The following MS4A3 variants were observed in gnomAD, a reference collection of about 807,000 sequenced individuals.
MS4A3 encodes membrane-spanning 4-domains subfamily A member 3.
MS4A3 carries 18 observed loss-of-function variants against 24.7 expected under a neutral mutation model. That is an observed-to-expected ratio of 0.73 (90% CI 0.50 to 1.08). The LOEUF (loss-of-function observed/expected upper bound fraction) is 1.08, where lower values mean the gene tolerates loss of function less well. Among genes scored for constraint, MS4A3 ranks in the 50% least tolerant of loss-of-function variants. The probability of loss-of-function intolerance (pLI) is 0.00; values close to 1 mark genes in which losing one functional copy is unlikely to be tolerated. For synonymous variants in MS4A3, 84 were observed against 95.3 expected (o/e 0.88, Z 0.69); for missense variants, 282 against 251.7 (o/e 1.12, Z -0.82).
chr11:60,065,214 CTT>C (rs143084907), intron 4 of MS4A3, among the ~76,000 whole-genome samples: 33,483 of 127,474 alleles, frequency 0.26, 3,226 homozygotes, highest in East Asian at 0.5. Flanking sequence ...TAATTTTTGT[CTT>C]TTTTTTTTTT....
At chr11:60,069,477 C>T (rs183673756) in intron 5 of MS4A3, 97 bp from the exon 6 acceptor site, 44 of 749,312 alleles carry the variant, frequency 5.9e-5, no homozygotes, top group Middle Eastern at 2.4e-4. Context: ...TTCCACTTTA[C>T]GGGAGGGAGA....
intron 4 of MS4A3, 32 bp downstream of exon 4, chr11:60,064,350 G>C: frequency 1.3e-6 from 2 of 1,505,638 alleles, no homozygotes; most frequent in African/African-American, 1.4e-5. Context: ...TCTATGATCA[G>C]AGGAGTAGAA....
rs114527019 is a variant in MS4A3 at position 60,058,184 on chromosome 11, A to G, written c.-16+1444A>G. On this transcript the variant is annotated intron_variant, in intron 1 of 6. Transcript: ENST00000278865. ...AGAGTTGGCCAGGACTAAAAACAGC[A>G]TCCTGGAAGTATGACATGTGGGCTG... Among the ~76,000 whole-genome samples the G allele has an allele frequency of 4.7e-3, 718 of 152,216 alleles. 8 individuals carry two copies. Among genetic ancestry groups the G allele is most frequent in the African/African-American group, 0.016 (678 of 41,542 alleles).
chr11:60,061,544 C>G (rs1164129826), intron 2 of MS4A3: 1 of 607,388 alleles, frequency 1.6e-6, no homozygotes, highest in African/African-American at 1.8e-5. Context: ...TCTACTTCCA[C>G]TTAATGAATA....
chr11:60,059,025 C>G (rs1342481870), intron 1 of MS4A3, among the ~76,000 whole-genome samples: 1 of 152,096 alleles, frequency 6.6e-6, no homozygotes, highest in Admixed American at 6.5e-5. Flanking sequence ...TAAATACATA[C>G]AGAATGTAAT....
At chr11:60,064,397 A>G in intron 4 of MS4A3, 79 bp downstream of exon 4, 1 of 1,079,366 alleles carries the variant, frequency 9.3e-7, no homozygotes, top group South Asian at 1.5e-5. Context: ...GTAAGTGTCC[A>G]TGAATACAAC....
At chr11:60,063,012 G>A (rs1855302481) in intron 3 of MS4A3, among the ~76,000 whole-genome samples, 1 of 151,996 alleles carries the variant, frequency 6.6e-6, no homozygotes, top group African/African-American at 2.4e-5. Context: ...TTTCCAGGAT[G>A]GTCTCGAACT....
chr11:60,061,079 C>T, intron 1 of MS4A3, 67 bp from the exon 2 acceptor site: 2 of 1,444,328 alleles, frequency 1.4e-6, no homozygotes, highest in Non-Finnish European at 1.9e-6. Flanking sequence ...TTCTGTAACA[C>T]TCAAAATTTT....
chr11:60,067,057 G>T lies in MS4A3; in HGVS notation c.458G>T (p.Cys153Phe), dbSNP rs1414357302. 6.2e-7 allele frequency: 1 copy of T among 1,613,356 alleles called. No individual in the cohort carries two copies. Among genetic ancestry groups the T allele is most frequent in the East Asian group, 2.2e-5 (1 of 44,870 alleles). Residue 153 changes from cysteine (C) to phenylalanine (F), a missense_variant, in exon 5 of 7, where the codon TGT (cysteine) becomes TTT (phenylalanine). Coordinates refer to ENST00000278865, the MANE Select transcript of MS4A3 (RefSeq NM_006138.5). Reference sequence around the variant, plus strand: ...GTTAATATCCAGTCATTAAGGAGTTGTCACTCTTCATCAGAGTCACCGGAC... The same window carrying T: ...GTTAATATCCAGTCATTAAGGAGTTTTCACTCTTCATCAGAGTCACCGGAC... ...IAVNIQSLRS[C>F]HSSSESPDLC...
At position 60,067,061 on chromosome 11, in the gene MS4A3, C is replaced by G. The variant is rs757416586; in HGVS notation, c.462C>G (p.His154Gln). The G allele has an allele frequency of 6.2e-7, 1 of 1,613,344 alleles. No individual in the cohort carries two copies. Among genetic ancestry groups the G allele is most frequent in the Non-Finnish European group, 8.5e-7 (1 of 1,179,800 alleles). ...ATATCCAGTCATTAAGGAGTTGTCA[C>G]TCTTCATCAGAGTCACCGGACCTAT... is the stretch of plus-strand genomic sequence containing the variant. ...AVNIQSLRSC[H>Q]SSSESPDLCN... is the part of the protein sequence containing the mutation. Residue 154 changes from histidine to glutamine, a missense_variant, in exon 5 of 7, where the codon CAC becomes CAG. By Grantham distance (24) the His-to-Gln change is conservative (BLOSUM62 0). Coordinates refer to ENST00000278865, the MANE Select transcript of MS4A3 (RefSeq NM_006138.5).
Position 60,062,621 on chromosome 11 carries a change from C to A in MS4A3, c.294+16C>A, listed in dbSNP as rs774083038. ...TGCTGTGTTTGTGAGTATTCGTACT[C>A]CCCTGGCTATATGTTATTTCTTAGA... is the stretch of plus-strand genomic sequence containing the variant. On this transcript the variant is annotated intron_variant, in intron 3 of 6. Transcript: ENST00000278865. 1 of 1,613,592 alleles carries A rather than the reference C, an allele frequency of 6.2e-7. No individual in the cohort carries two copies. Among genetic ancestry groups the A allele is most frequent in the East Asian group, 2.2e-5 (1 of 44,870 alleles).
chr11:60,069,648 C>CA lies in MS4A3; in HGVS notation c.590dup (p.Asn197LysfsTer6), dbSNP rs1855443485. On this transcript the variant is annotated frameshift_variant, in exon 6 of 7. Coordinates refer to ENST00000278865, the MANE Select transcript of MS4A3 (RefSeq NM_006138.5). LOFTEE classifies it low-confidence loss of function (END_TRUNC). Reference sequence around the variant, plus strand: ...CCATCTCTACCATAGCCATGTGGTGCAATGCAAACTGCTGTAATTCAAGAG... The same window carrying CA: ...CCATCTCTACCATAGCCATGTGGTGCAAATGCAAACTGCTGTAATTCAAGAG... 2 of 1,612,636 alleles carry CA rather than the reference C, an allele frequency of 1.2e-6. No individual in the cohort carries two copies. The highest frequency in any genetic ancestry group is 1.3e-5 in the African/African-American group (1 of 74,896).
intron 1 of MS4A3, among the ~76,000 whole-genome samples, chr11:60,057,569 T>A (rs1855192090): frequency 6.6e-6 from 1 of 152,084 alleles, no homozygotes; most frequent in Admixed American, 6.5e-5. Flanking sequence ...CACAACCAGC[T>A]AATTTTATGT....
intron 4 of MS4A3, among the ~76,000 whole-genome samples, chr11:60,064,660 A>G (rs1302448915): frequency 2.0e-5 from 3 of 152,220 alleles, no homozygotes; most frequent in Non-Finnish European, 1.5e-5. Context: ...TCTATTCTAA[A>G]CAACTGCTAA....
chr11:60,067,264 G>T, intron 5 of MS4A3, 152 bp downstream of exon 5: 2 of 652,222 alleles, frequency 3.1e-6, no homozygotes, highest in Non-Finnish European at 2.4e-6. Context: ...CCAGGCTGGA[G>T]TACAGTGGAG....
At chr11:60,061,353 G>C in intron 2 of MS4A3, 37 bp downstream of exon 2, 7 of 1,572,986 alleles carry the variant, frequency 4.5e-6, no homozygotes, top group Non-Finnish European at 6.0e-6. Flanking sequence ...ATTTAAGAGG[G>C]AAGAAAATAA....
At position 60,062,502 on chromosome 11, in the gene MS4A3, CT is replaced by C; in HGVS notation, c.194del (p.Leu65TrpfsTer44). 6.2e-7 allele frequency: 1 copy of C among 1,614,138 alleles called. No homozygotes were observed. Among genetic ancestry groups the C allele is most frequent in the African/African-American group, 1.3e-5 (1 of 75,052 alleles). On this transcript the variant is annotated frameshift_variant, in exon 3 of 7. Coordinates refer to ENST00000278865, the MANE Select transcript of MS4A3 (RefSeq NM_006138.5). LOFTEE classifies it high-confidence loss of function. ...IQILNAAMIL[A>X]LGVFLGSLQY... ...ATCCTGAATGCAGCAATGATTCTGG[CT>C]TTGGGTGTCTTTCTGGGTTCCTTGC...
At chr11:60,066,055 G>A (rs1855356168) in intron 4 of MS4A3, among the ~76,000 whole-genome samples, 1 of 152,182 alleles carries the variant, frequency 6.6e-6, no homozygotes, top group Non-Finnish European at 1.5e-5. Flanking sequence ...CATGTCAGCT[G>A]ATGGGAATGT....
chr11:60,058,859 CTATTCTTATT>C (rs1855219581), intron 1 of MS4A3, among the ~76,000 whole-genome samples: 2 of 152,104 alleles, frequency 1.3e-5, no homozygotes, highest in South Asian at 4.1e-4. Context: ...GGCTTTTTGG[CTATTCTTATT>C]TATACTTTTT....
Sources: gnomAD v4.1 joint callset for allele counts (sites outside exome capture counted in the v4.1 genomes callset) on GRCh38, gnomAD v4.1.1 for gene constraint, MANE v1.5 for transcripts, NCBI Gene and HGNC (gene_info 2026-07-23, HGNC 2026-07-21) for gene names.